The following IPPK variants were observed in gnomAD, a reference collection of about 807,000 sequenced individuals.
IPPK encodes IPK1 homolog.
Under a neutral mutation model 64.6 loss-of-function variants are expected in IPPK, and 22 were observed. The observed-to-expected ratio is 0.34, with a 90% confidence interval of 0.24 to 0.49. The LOEUF (loss-of-function observed/expected upper bound fraction) is 0.49. IPPK is among the 20% of genes least tolerant of loss of function. The pLI is 0.99. For synonymous variants in IPPK, 262 were observed against 247.2 expected (o/e 1.06, Z -0.56); for missense variants, 532 against 630.7 (o/e 0.84, Z 1.68).
chr9:92,620,722 T>C (rs962444401), intron 11 of IPPK, among the ~76,000 whole-genome samples: 1 of 152,158 alleles, frequency 6.6e-6, no homozygotes, highest in Non-Finnish European at 1.5e-5. Context: ...AGCACGGATT[T>C]AGCTCAGGCC....
chr9:92,622,423 A>C (rs72756403), intron 11 of IPPK, among the ~76,000 whole-genome samples: 4,958 of 152,258 alleles, frequency 0.033, 113 homozygotes, highest in South Asian at 0.094. Flanking sequence ...CGTTAGGATT[A>C]ATACAAGTGA....
Position 92,616,031 on chromosome 9 carries a change from G to A in IPPK, c.1277C>T (p.Ser426Leu), listed in dbSNP as rs1296255155. ...ASSDQRPVVPSSRSRFAFSVS... is the reference protein window; with the variant it reads ...ASSDQRPVVPLSRSRFAFSVS... Reference sequence around the variant, plus strand: ...GGAAAAGGCAAACCTGGACCTCGATGAAGGGACGACAGGCCTTTGATCAGA... The same window carrying A: ...GGAAAAGGCAAACCTGGACCTCGATAAAGGGACGACAGGCCTTTGATCAGA... The change falls in exon 13 of 13, where the codon TCA becomes TTA. Residue 426 changes from serine to leucine, a missense_variant. Transcript: ENST00000287996. The A allele has an allele frequency of 1.2e-6, 2 of 1,613,960 alleles. No individual in the cohort carries two copies. The highest frequency in any genetic ancestry group is 4.5e-5 in the East Asian group (2 of 44,898).
In IPPK at chr9:92,613,430, G is replaced by A. The variant is rs1851333160; in HGVS notation, c.*2402C>T. On this transcript the variant is annotated 3_prime_UTR_variant, in exon 13 of 13. Transcript: ENST00000287996. The stretch of plus-strand genomic sequence containing the variant: ...GTGGTTGTGTGTCCTCAGATGTGTG[G>A]GGAGGATCCATCCCCCACCCACTGC... The A allele has an allele frequency of 5.7e-6, 2 of 348,794 alleles. No individual in the cohort carries two copies. Among genetic ancestry groups the A allele is most frequent in the South Asian group, 2.7e-5 (1 of 37,318 alleles). 21.6% of individuals were successfully genotyped at this position (348,794 alleles called of 1,614,324 possible).
intron 3 of IPPK, among the ~76,000 whole-genome samples, chr9:92,655,085 G>A (rs1471210026): frequency 6.6e-6 from 1 of 152,148 alleles, no homozygotes; most frequent in Non-Finnish European, 1.5e-5. Flanking sequence ...CCAGACCAGC[G>A]CCACACCCAC....
chr9:92,662,253 C>T (rs1453476905), intron 1 of IPPK, among the ~76,000 whole-genome samples: 2 of 152,144 alleles, frequency 1.3e-5, no homozygotes, highest in Non-Finnish European at 2.9e-5. Flanking sequence ...GGGCCAGGCG[C>T]GGTGGCTCAT....
intron 11 of IPPK, among the ~76,000 whole-genome samples, chr9:92,630,286 CCACA>C (rs1851814569): frequency 6.6e-6 from 1 of 152,166 alleles, no homozygotes; most frequent in Non-Finnish European, 1.5e-5. Context: ...CCACAAACGA[CCACA>C]CATTCAATGA....
At chr9:92,663,317 G>T (rs1411402980) in intron 1 of IPPK, among the ~76,000 whole-genome samples, 8 of 152,202 alleles carry the variant, frequency 5.3e-5, no homozygotes, top group African/African-American at 1.9e-4. Flanking sequence ...TGCTGCGCGG[G>T]TCTGAGGACT....
rs375698698 is a variant in IPPK, at chr9:92,652,679, A to G, written c.226-40T>C. The G allele has an allele frequency of 2.1e-5, 24 of 1,162,810 alleles. No homozygotes were observed. The African/African-American group carries it at 3.2e-4, about 15-fold the overall frequency. 72.0% of individuals were successfully genotyped at this position (1,162,810 alleles called of 1,614,324 possible). ...ATGAAATTCTCAGTGTGAATTGCAC[A>G]ATGACATGAACACAATGCCACAGAA... is the stretch of plus-strand genomic sequence containing the variant. On this transcript the variant is annotated intron_variant, in intron 3 of 12. Coordinates refer to ENST00000287996, the MANE Select transcript of IPPK (RefSeq NM_022755.6).
chr9:92,651,328 G>GA (rs1020707893), intron 4 of IPPK, among the ~76,000 whole-genome samples: 2 of 151,926 alleles, frequency 1.3e-5, no homozygotes, highest in African/African-American at 4.8e-5. Context: ...ATCACTGACT[G>GA]AAAAAAAAGG....
At position 92,658,182 on chromosome 9, in the gene IPPK, G is replaced by A. The variant is rs563189550; in HGVS notation, c.129+452C>T. Among the ~76,000 whole-genome samples, 19 of 152,328 alleles carry A rather than the reference G, an allele frequency of 1.2e-4. No individual in the cohort carries two copies. In the East Asian group the frequency reaches 3.7e-3, roughly 29 times the overall value. On this transcript the variant is annotated intron_variant, in intron 2 of 12. Transcript: ENST00000287996. ...TTTCACGGGTGGTCCATGGCATTTT[G>A]CTTGGATGACTCAGAGAAGAGAAAC...
chr9:92,618,243 G>C (rs1006000749), intron 12 of IPPK: 12 of 456,548 alleles, frequency 2.6e-5, no homozygotes, highest in Admixed American at 1.6e-4. Context: ...GATGGTTCCA[G>C]TGCCTACACC....
intron 11 of IPPK, among the ~76,000 whole-genome samples, chr9:92,623,262 G>A (rs895369246): frequency 5.3e-5 from 8 of 151,936 alleles, no homozygotes; most frequent in Admixed American, 3.9e-4. Flanking sequence ...GTGAAACCCC[G>A]TCTCTACTAA....
At chr9:92,618,510 C>T in intron 12 of IPPK, 1 of 456,724 alleles carries the variant, frequency 2.2e-6, no homozygotes, top group Non-Finnish European at 4.4e-6. Context: ...ATTTCCATTG[C>T]CCAGCTGCAT....
At chr9:92,625,845 T>C (rs941789566) in intron 11 of IPPK, among the ~76,000 whole-genome samples, 6 of 152,134 alleles carry the variant, frequency 3.9e-5, no homozygotes, top group South Asian at 2.1e-4. Context: ...AGGATTCCTA[T>C]AGATTAAGAT....
chr9:92,633,049 C>T (rs886287019), intron 11 of IPPK, among the ~76,000 whole-genome samples: 2 of 151,084 alleles, frequency 1.3e-5, no homozygotes, highest in Non-Finnish European at 2.9e-5. Flanking sequence ...CTCGCTCTGT[C>T]GCCCAGGCTA....
intron 7 of IPPK, among the ~76,000 whole-genome samples, chr9:92,642,043 A>C (rs1271980611): frequency 6.6e-6 from 1 of 152,212 alleles, no homozygotes; most frequent in Non-Finnish European, 1.5e-5. Flanking sequence ...GGGCACTGCC[A>C]TGAGTCCCAG....
chr9:92,649,386 T>C (rs1852211826), intron 5 of IPPK, 67 bp downstream of exon 5: 1 of 1,594,892 alleles, frequency 6.3e-7, no homozygotes, highest in Non-Finnish European at 8.6e-7. Flanking sequence ...GGCACGTGAC[T>C]CTTGGACTTA....
At chr9:92,636,043 C>T (rs1169070794) in intron 9 of IPPK, among the ~76,000 whole-genome samples, 1 of 152,214 alleles carries the variant, frequency 6.6e-6, no homozygotes, top group East Asian at 1.9e-4. Flanking sequence ...CCACTTGCCA[C>T]TCACAGTTGT....
rs1851915525 is a variant in IPPK at position 92,635,159 on chromosome 9, T to C, written c.1066A>G (p.Arg356Gly). The stretch of plus-strand genomic sequence containing the variant: ...AACAGGGGGACCGCCCGACCTCACC[T>C]CTCCTCGGGAAACTCTTCCAGGTAT... Reference protein sequence around the residue: ...ERYLEEFPEERKTLQIDGPYD... With the variant: ...ERYLEEFPEEGKTLQIDGPYD... Residue 356 changes from arginine to glycine, a missense_variant and splice_region_variant, in exon 10 of 13, where the codon AGA becomes GGA. Coordinates refer to ENST00000287996, the MANE Select transcript of IPPK (RefSeq NM_022755.6). This position sits in a 1 kb window ranked among gnomAD's most constrained non-coding sequence, Gnocchi z 4.4. The C allele has an allele frequency of 6.2e-7, 1 of 1,610,164 alleles. No individual in the cohort carries two copies. The highest frequency in any genetic ancestry group is 8.5e-7 in the Non-Finnish European group (1 of 1,177,624).
Sources: allele counts gnomAD v4.1 joint callset (sites outside exome capture counted in the v4.1 genomes callset), GRCh38; gene constraint gnomAD v4.1.1; non-coding constraint Gnocchi (gnomAD v3.1); transcripts MANE v1.5; gene names NCBI Gene and HGNC (gene_info 2026-07-23, HGNC 2026-07-21).